Variants in FAF1 observed in about 807,000 individuals in gnomAD.
FAF1 encodes FAS-associated factor 1.
In FAF1, 25 loss-of-function variants were observed where a neutral mutation model predicts 92.5. The ratio of observed to expected loss-of-function variants is 0.27; its 90% CI spans 0.20 to 0.38. The LOEUF is 0.38. FAF1 is among the 10% of genes least tolerant of loss of function. The probability of loss-of-function intolerance (pLI) is 1.00; values close to 1 mark genes in which losing one functional copy is unlikely to be tolerated. For synonymous variants in FAF1, 234 were observed against 273.2 expected (o/e 0.86, Z 1.42); for missense variants, 636 against 793.3 (o/e 0.80, Z 2.38).
At chr1:50,654,645 T>C (rs1244789641) in intron 8 of FAF1, among the ~76,000 whole-genome samples, 1 of 152,226 alleles carries the variant, frequency 6.6e-6, no homozygotes, top group Non-Finnish European at 1.5e-5. Context: ...TGTTATTAAC[T>C]ATAAAAATTA....
At chr1:50,758,978 G>T (rs1029836254) in intron 4 of FAF1, among the ~76,000 whole-genome samples, 1 of 151,964 alleles carries the variant, frequency 6.6e-6, no homozygotes, top group African/African-American at 2.4e-5. Flanking sequence ...GAGTAGCTGG[G>T]ACTACAGGCA....
chr1:50,888,559 T>C (rs1027080220), intron 1 of FAF1, among the ~76,000 whole-genome samples: 1 of 152,208 alleles, frequency 6.6e-6, no homozygotes, highest in Non-Finnish European at 1.5e-5. Context: ...CATTAATACC[T>C]AATTTATTGA....
At chr1:50,673,485 C>T (rs186066745) in intron 7 of FAF1, among the ~76,000 whole-genome samples, 1 of 152,250 alleles carries the variant, frequency 6.6e-6, no homozygotes, top group African/African-American at 2.4e-5. Context: ...AGAGACAAAG[C>T]TTCTGTGTTC....
At chr1:50,865,042 C>A (rs969516827) in intron 1 of FAF1, among the ~76,000 whole-genome samples, 208 of 152,292 alleles carry the variant, frequency 1.4e-3, no homozygotes, top group African/African-American at 4.8e-3. Context: ...TGAACAGACA[C>A]TTCTCAAAAG....
At chr1:50,886,552 C>T (rs1023707525) in intron 1 of FAF1, among the ~76,000 whole-genome samples, 7 of 151,952 alleles carry the variant, frequency 4.6e-5, no homozygotes, top group African/African-American at 1.2e-4. Flanking sequence ...CAACAGGCCC[C>T]GGTGTGTGAT....
rs78372656 is a variant in FAF1, at chr1:50,722,339, G to A, written c.552-16448C>T. Among the ~76,000 whole-genome samples the A allele has an allele frequency of 6.7e-4, 102 of 152,226 alleles. No homozygotes were observed. In the East Asian group the frequency reaches 9.7e-3, roughly 14 times the overall value. On this transcript the variant is annotated intron_variant, in intron 6 of 18. Coordinates refer to ENST00000396153, the MANE Select transcript of FAF1 (RefSeq NM_007051.3). ...TCACCTCTAGAATGCTCAAAGACAC[G>A]AATAACTTGGAATTAAGAGCACTAT...
chr1:50,890,831 T>TTA (rs1644713684), intron 1 of FAF1, among the ~76,000 whole-genome samples: 1 of 151,946 alleles, frequency 6.6e-6, no homozygotes, highest in Non-Finnish European at 1.5e-5. Flanking sequence ...AATCTGACAA[T>TTA]TGTGTCTTGG....
intron 1 of FAF1, among the ~76,000 whole-genome samples, chr1:50,909,423 C>T (rs546601829): frequency 4.9e-4 from 75 of 152,222 alleles, no homozygotes; most frequent in African/African-American, 1.6e-3. Flanking sequence ...TGTTGGCCTG[C>T]CTTGCTAGGT....
chr1:50,878,415 CT>C (rs1457192467), intron 1 of FAF1, among the ~76,000 whole-genome samples: 1 of 152,210 alleles, frequency 6.6e-6, no homozygotes, highest in African/African-American at 2.4e-5. Context: ...AACTCACAAC[CT>C]TTTGAAACAG....
At chr1:50,793,883 C>T (rs2124581740) in intron 3 of FAF1, among the ~76,000 whole-genome samples, 1 of 152,134 alleles carries the variant, frequency 6.6e-6, no homozygotes, top group East Asian at 1.9e-4. Context: ...AGTCTGAAAT[C>T]TGAAATGTTC....
At chr1:50,775,843 T>C (rs138097320) in intron 4 of FAF1, among the ~76,000 whole-genome samples, 5 of 152,300 alleles carry the variant, frequency 3.3e-5, no homozygotes, top group African/African-American at 1.2e-4. Context: ...AAAAAAATTC[T>C]ATCAAGTCTA....
chr1:50,635,857 T>C (rs1459793903), intron 8 of FAF1, among the ~76,000 whole-genome samples: 3 of 152,210 alleles, frequency 2.0e-5, no homozygotes, highest in Non-Finnish European at 4.4e-5. Flanking sequence ...GGTCAGCTAC[T>C]AGGGGAATAG....
Position 50,627,603 on chromosome 1 carries a change from G to A in FAF1, c.744+27839C>T, listed in dbSNP as rs543068581. Among the ~76,000 whole-genome samples the A allele has an allele frequency of 7.9e-4, 120 of 151,960 alleles. 1 individual carries two copies. Among genetic ancestry groups the A allele is most frequent in the Middle Eastern group, 6.8e-3 (2 of 292 alleles). On this transcript the variant is annotated intron_variant, in intron 8 of 18. Transcript: ENST00000396153. ...AAGGAAGAAAGGAGGGAGTGAAAGA[G>A]ACAAATAGTACATACCGCATGATTC...
intron 1 of FAF1, among the ~76,000 whole-genome samples, chr1:50,885,032 T>C (rs1002981402): frequency 4.6e-5 from 7 of 152,186 alleles, no homozygotes; most frequent in Admixed American, 2.0e-4. Flanking sequence ...AATTACTTCC[T>C]TTAGATTTGT....
At position 50,915,919 on chromosome 1, in the gene FAF1, T is replaced by C. The variant is rs181363124; in HGVS notation, c.45+43848A>G. ...CAGGAACCTTTAAAAATCCTTTTTT[T>C]TTCCCCTAAAGCTGAAAATAACTTC... On this transcript the variant is annotated intron_variant, in intron 1 of 18. Transcript: ENST00000396153. Among the ~76,000 whole-genome samples the C allele has an allele frequency of 1.2e-3, 181 of 152,248 alleles. No individual in the cohort carries two copies. In the Middle Eastern group the frequency reaches 0.017, roughly 14 times the overall value.
At chr1:50,567,315 T>C in intron 12 of FAF1, 84 bp from the exon 13 acceptor site, 1 of 989,718 alleles carries the variant, frequency 1.0e-6, no homozygotes, top group Non-Finnish European at 1.4e-6. Flanking sequence ...AATTAGTCTA[T>C]ATGAACAGCA....
chr1:50,569,083 T>C (rs1246647720), intron 12 of FAF1, among the ~76,000 whole-genome samples: 3 of 152,146 alleles, frequency 2.0e-5, no homozygotes, highest in Non-Finnish European at 2.9e-5. Context: ...CAGAGAACAG[T>C]ATCAGCCTTC....
intron 18 of FAF1, among the ~76,000 whole-genome samples, chr1:50,449,163 T>C (rs1646263699): frequency 6.6e-6 from 1 of 152,200 alleles, no homozygotes; most frequent in Non-Finnish European, 1.5e-5. Context: ...AGTATTATTT[T>C]ACAGTTCTCA....
At chr1:50,782,644 A>G (rs12074850) in intron 4 of FAF1, among the ~76,000 whole-genome samples, 18,343 of 152,086 alleles carry the variant, frequency 0.12, 1,373 homozygotes, top group African/African-American at 0.21. Context: ...GCCTCCCAAA[A>G]TGCTGGGATT....
Sources: allele counts gnomAD v4.1 joint callset (sites outside exome capture counted in the v4.1 genomes callset), GRCh38; gene constraint gnomAD v4.1.1; transcripts MANE v1.5; gene names NCBI Gene and HGNC (gene_info 2026-07-23, HGNC 2026-07-21).